The following CUBN variants were observed in gnomAD, a reference collection of about 807,000 sequenced individuals.
CUBN encodes cubilin.
Under a neutral mutation model 405.3 loss-of-function variants are expected in CUBN, and 282 were observed. The observed-to-expected ratio is 0.70, with a 90% CI of 0.63 to 0.77. The LOEUF (loss-of-function observed/expected upper bound fraction) is 0.77, where lower values mean the gene tolerates loss of function less well. Ranked by LOEUF, CUBN falls within the 30% of genes least tolerant of loss-of-function variation. The pLI, the probability that CUBN is intolerant of heterozygous loss-of-function variation, is 0.00. For missense variants in CUBN, 4,514 were observed against 4,475.2 expected, an observed-to-expected ratio of 1.01 and a Z score of -0.25; for synonymous variants, 1,684 against 1,617.0, an observed-to-expected ratio of 1.04 and a Z score of -0.99.
Position 16,836,256 on chromosome 10 carries a change from T to C in CUBN, c.10159A>G (p.Ser3387Gly), listed in dbSNP as rs1288023336. 22 of 1,613,952 alleles carry C rather than the reference T, an allele frequency of 1.4e-5. No individual in the cohort carries two copies. Among genetic ancestry groups the C allele is most frequent in the Non-Finnish European group, 1.9e-5 (22 of 1,179,910 alleles). Reference sequence around the variant, plus strand: ...TCACCTGCAATCTGATAGGTGAAACTCATTCTAGAGTTTCTGTTTACAACT... The same window carrying C: ...TCACCTGCAATCTGATAGGTGAAACCCATTCTAGAGTTTCTGTTTACAACT... ...SGVVNRNSRM[S>G]FTYQIADCNR... Residue 3387 changes from serine to glycine, a missense_variant, in exon 63 of 67, where the codon AGT (serine) becomes GGT (glycine). Ser to Gly is a moderately conservative substitution (Grantham distance 56). This residue lies in a region of CUBN where 1,186 missense variants were observed against 1,186.9 expected (regional missense o/e 1.00). Transcript: ENST00000377833.
At chr10:17,052,759 CAAAAAAAAAAAA>C (rs10574636) in intron 22 of CUBN, among the ~76,000 whole-genome samples, 3 of 55,086 alleles carry the variant, frequency 5.4e-5, no homozygotes, top group South Asian at 2.2e-3. Context: ...GACTCAGTCT[CAAAAAAAAAAAA>C]AAAAAAAAAA....
At chr10:16,911,872 T>C (rs533820388) in intron 48 of CUBN, among the ~76,000 whole-genome samples, 2 of 152,226 alleles carry the variant, frequency 1.3e-5, no homozygotes, top group Non-Finnish European at 2.9e-5. Context: ...ACCAGAAAAA[T>C]AGATTAAAAT....
In CUBN at chr10:17,020,569, G is replaced by A. The variant is rs139391404; in HGVS notation, c.4018-586C>T. 2.4e-3 allele frequency among the ~76,000 whole-genome samples: 372 copies of A among 152,028 alleles called. 1 individual carries two copies. The highest frequency in any genetic ancestry group is 8.6e-3 in the African/African-American group (357 of 41,484). ...AAAAGGAAAATACAAATATTGATTCGACTAAAGACAAACACTGTTAATATT... is the reference window on the plus strand; with the variant it reads ...AAAAGGAAAATACAAATATTGATTCAACTAAAGACAAACACTGTTAATATT... On this transcript the variant is annotated intron_variant, in intron 27 of 66. Transcript: ENST00000377833.
rs187463270 is a variant in CUBN, at chr10:17,018,268, C to T, written c.4168+1565G>A. 3.9e-4 allele frequency among the ~76,000 whole-genome samples: 59 copies of T among 152,250 alleles called. 6 individuals carry two copies. Among genetic ancestry groups the T allele is most frequent in the Admixed American group, 1.6e-3 (24 of 15,294 alleles). On this transcript the variant is annotated intron_variant, in intron 28 of 66. Coordinates refer to ENST00000377833, the MANE Select transcript of CUBN (RefSeq NM_001081.4). Reference sequence around the variant, plus strand: ...GCGAAAGGGGTCCAGTGGTACTCACCGCTTGGTGATTGTCCCATCTGGGTC... The same window carrying T: ...GCGAAAGGGGTCCAGTGGTACTCACTGCTTGGTGATTGTCCCATCTGGGTC...
At chr10:17,121,042 T>G (rs1564523371) in intron 6 of CUBN, among the ~76,000 whole-genome samples, 1 of 152,200 alleles carries the variant, frequency 6.6e-6, no homozygotes, top group African/African-American at 2.4e-5. Flanking sequence ...TAGACTGCAT[T>G]TTGCTTCCAG....
chr10:17,103,148 C>T lies in CUBN; in HGVS notation c.1507G>A (p.Val503Ile), dbSNP rs1162750570. The T allele has an allele frequency of 6.2e-6, 10 of 1,612,824 alleles. No homozygotes were observed. Among genetic ancestry groups the T allele is most frequent in the African/African-American group, 2.7e-5 (2 of 74,838 alleles). Residue 503 changes from valine to isoleucine, a missense_variant, in exon 13 of 67, where the codon GTT becomes ATT. This residue lies in a region of CUBN where 1,448 missense variants were observed against 1,388.0 expected (regional missense o/e 1.04). Transcript: ENST00000377833. ...GYVHDVNCFW[V>I]IKTEMGKVLR... ...ACCTTTCCCATTTCAGTTTTGATAA[C>T]CCAGAAGCAGTTAACATCATGAACA...
Position 17,020,308 on chromosome 10 carries a change from TA to T in CUBN, c.4018-326del, listed in dbSNP as rs776938931. On this transcript the variant is annotated intron_variant, in intron 27 of 66. Transcript: ENST00000377833. ...TAGGCATTCACATATTAACAACACA[TA>T]GGGGGGCTCAATGAATAGCAGCTAT... 1.6e-4 allele frequency among the ~76,000 whole-genome samples: 25 copies of T among 152,222 alleles called. 2 individuals are homozygous for T. The highest frequency in any genetic ancestry group is 7.7e-4 in the East Asian group (4 of 5,188).
At position 16,952,360 on chromosome 10, in the gene CUBN, A is replaced by G; in HGVS notation, c.4885T>C (p.Phe1629Leu). 1 of 1,613,898 alleles carries G rather than the reference A, an allele frequency of 6.2e-7. No individual in the cohort carries two copies. The highest frequency in any genetic ancestry group is 8.5e-7 in the Non-Finnish European group (1 of 1,179,784). Reference protein sequence around the residue: ...ACGGHILTSSFDTVSSPRFPA... With the variant: ...ACGGHILTSSLDTVSSPRFPA... The stretch of plus-strand genomic sequence containing the variant: ...AACCGTGGAGAGGAAACAGTATCAA[A>G]TGAGCTGGTGAGGATGTGGCCTCCG... Residue 1629 changes from phenylalanine (F) to leucine (L), a missense_variant, in exon 33 of 67, where the codon TTT (phenylalanine) becomes CTT (leucine). This residue lies in a region of CUBN where 1,613 missense variants were observed against 1,542.8 expected (regional missense o/e 1.05). Coordinates refer to ENST00000377833, the MANE Select transcript of CUBN (RefSeq NM_001081.4).
intron 51 of CUBN, among the ~76,000 whole-genome samples, chr10:16,903,569 G>GT (rs1170197216): frequency 6.7e-6 from 1 of 150,026 alleles, no homozygotes; most frequent in Non-Finnish European, 1.5e-5. Context: ...TTGGACTAAA[G>GT]TTACATGTAT....
intron 54 of CUBN, among the ~76,000 whole-genome samples, chr10:16,895,149 G>A (rs1380621546): frequency 2.0e-5 from 3 of 152,106 alleles, no homozygotes; most frequent in Non-Finnish European, 4.4e-5. Context: ...TGCTTAATAA[G>A]ATATTCTGTT....
At chr10:16,960,768 A>G (rs928261216) in intron 31 of CUBN, among the ~76,000 whole-genome samples, 4 of 152,152 alleles carry the variant, frequency 2.6e-5, no homozygotes, top group Non-Finnish European at 5.9e-5. Context: ...GGTTAGTCAC[A>G]GGGGGACGGA....
intron 30 of CUBN, 110 bp downstream of exon 30, chr10:16,983,995 G>T: frequency 8.2e-7 from 1 of 1,213,424 alleles, no homozygotes. Context: ...TGCCCTTTGG[G>T]ATGTCACTAA....
chr10:16,947,329 T>G lies in CUBN; in HGVS notation c.5248A>C (p.Asn1750His), dbSNP rs1250578747. 1 of 1,614,066 alleles carries G rather than the reference T, an allele frequency of 6.2e-7. No individual in the cohort carries two copies. The highest frequency in any genetic ancestry group is 1.7e-5 in the Admixed American group (1 of 60,010). The change falls in exon 36 of 67, where the codon AAC becomes CAC. Residue 1750 changes from asparagine to histidine, a missense_variant. Physicochemically the swap from Asn to His is moderately conservative, Grantham distance 68. Transcript: ENST00000377833. ...GTFYMAEGIF[N>H]SPGYPDIYPP... Reference sequence around the variant, plus strand: ...TAAATGTCTGGGTAGCCAGGGCTGTTGAAGATGCCTTCAGCCATGTAGAAC... The same window carrying G: ...TAAATGTCTGGGTAGCCAGGGCTGTGGAAGATGCCTTCAGCCATGTAGAAC...
At chr10:16,958,355 C>G (rs1408498391) in intron 31 of CUBN, among the ~76,000 whole-genome samples, 1 of 151,778 alleles carries the variant, frequency 6.6e-6, no homozygotes, top group Non-Finnish European at 1.5e-5. Context: ...AACCATGTCT[C>G]TACTAAAAAT....
At chr10:17,008,463 T>TGTGTGTGC (rs1320524546) in intron 28 of CUBN, among the ~76,000 whole-genome samples, 35 of 145,658 alleles carry the variant, frequency 2.4e-4, no homozygotes, top group South Asian at 2.2e-3. Flanking sequence ...TGTGTGTGTG[T>TGTGTGTGC]GCGCGCTTAG....
At chr10:16,954,808 A>G (rs2131634483) in intron 31 of CUBN, among the ~76,000 whole-genome samples, 1 of 152,202 alleles carries the variant, frequency 6.6e-6, no homozygotes, top group East Asian at 1.9e-4. Flanking sequence ...CGTCCCTTCC[A>G]CACTCCCCTT....
chr10:16,850,129 C>A (rs1205600886), intron 60 of CUBN, among the ~76,000 whole-genome samples: 1 of 152,200 alleles, frequency 6.6e-6, no homozygotes, highest in African/African-American at 2.4e-5. Context: ...TCTATCAAGT[C>A]ATTCTTGATC....
chr10:16,928,809 C>T (rs1341567882), intron 40 of CUBN, among the ~76,000 whole-genome samples: 1 of 151,936 alleles, frequency 6.6e-6, no homozygotes, highest in African/African-American at 2.4e-5. Context: ...GGGTTCTTTA[C>T]CCTTTTTGAT....
chr10:16,933,226 G>T lies in CUBN; in HGVS notation c.5985C>A (p.Gly1995=), dbSNP rs1053137764. 1.9e-6 allele frequency: 3 copies of T among 1,613,930 alleles called. No homozygotes were observed. The highest frequency in any genetic ancestry group is 2.5e-6 in the Non-Finnish European group (3 of 1,179,986). Residue 1995 remains glycine (G), a synonymous_variant, in exon 40 of 67, where the codon GGC becomes GGA. Coordinates refer to ENST00000377833, the MANE Select transcript of CUBN (RefSeq NM_001081.4). ...CTCTATTACTGTAACTGTCAGGCCA[G>T]CCCGGGGAGAAGAGAAACACGGGTG... ...GDAPVFLFSP[G]WPDSYSNRVD... is the part of the protein sequence containing the mutation.
Sources: gnomAD v4.1 joint callset for allele counts (sites outside exome capture counted in the v4.1 genomes callset) on GRCh38, gnomAD v4.1.1 for gene constraint, gnomAD v4.1.1 regional missense constraint, MANE v1.5 for transcripts, NCBI Gene and HGNC (gene_info 2026-07-23, HGNC 2026-07-21) for gene names.